Variants in GHRHR observed in about 807,000 individuals in gnomAD.
The protein encoded by GHRHR is growth hormone releasing hormone receptor.
GHRHR carries 40 observed loss-of-function variants against 58.3 expected under a neutral mutation model. That is an observed-to-expected ratio of 0.69 (90% CI 0.53 to 0.89). The LOEUF (loss-of-function observed/expected upper bound fraction) is 0.89. GHRHR is among the 40% of genes least tolerant of loss of function. The pLI, the probability that GHRHR is intolerant of heterozygous loss-of-function variation, is 0.00. For missense variants in GHRHR, 551 were observed against 541.3 expected, an observed-to-expected ratio of 1.02 and a Z score of -0.18; for synonymous variants, 249 against 216.6, an observed-to-expected ratio of 1.15 and a Z score of -1.31.
chr7:30,977,198 G>C, intron 11 of GHRHR, 83 bp from the exon 12 acceptor site: 1 of 1,303,050 alleles, frequency 7.7e-7, no homozygotes, highest in Non-Finnish European at 1.1e-6. Context: ...GGGATGAGTA[G>C]GGAAAAGGTA....
At position 30,964,272 on chromosome 7, in the gene GHRHR, G is replaced by A. The variant is rs1481891978; in HGVS notation, c.57+147G>A. On this transcript the variant is annotated intron_variant, in intron 1 of 12. Transcript: ENST00000326139. ...CGAGCAGGTGGCAGGCTGTGGCTTGGAGAGCCCCTGACACTGGGGCTCCCT... is the reference window on the plus strand; with the variant it reads ...CGAGCAGGTGGCAGGCTGTGGCTTGAAGAGCCCCTGACACTGGGGCTCCCT... 3 of 753,004 alleles carry A rather than the reference G, an allele frequency of 4.0e-6. No homozygotes were observed. The East Asian group carries it at 8.0e-5, about 20-fold the overall frequency. 46.6% of individuals were successfully genotyped at this position (753,004 alleles called of 1,614,324 possible). A position where few individuals can be genotyped will look rare whatever the true frequency, so the allele number is the denominator to read the frequency against.
rs1189579354 is a variant in GHRHR at position 30,975,858 on chromosome 7, T to C, written c.964T>C (p.Ser322Pro). Reference protein sequence around the residue: ...EPAQGSLHTQSQYWRLSKSTL... With the variant: ...EPAQGSLHTQPQYWRLSKSTL... ...AGCTCAGGGCAGCCTCCATACCCAGTCTCAGTATTGGTACTGTGTGTTTGT... is the reference window on the plus strand; with the variant it reads ...AGCTCAGGGCAGCCTCCATACCCAGCCTCAGTATTGGTACTGTGTGTTTGT... The change falls in exon 10 of 13, where the codon TCT becomes CCT. Residue 322 changes from serine to proline, a missense_variant. By Grantham distance (74) the Ser-to-Pro change is moderately conservative. Coordinates refer to ENST00000326139, the MANE Select transcript of GHRHR (RefSeq NM_000823.4). 1 of 1,580,336 alleles carries C rather than the reference T, an allele frequency of 6.3e-7. No homozygotes were observed. Among genetic ancestry groups the C allele is most frequent in the Non-Finnish European group, 8.7e-7 (1 of 1,149,234 alleles).
At chr7:30,966,346 A>G (rs913194968) in intron 1 of GHRHR, among the ~76,000 whole-genome samples, 3 of 143,598 alleles carry the variant, frequency 2.1e-5, no homozygotes, top group South Asian at 2.3e-4. Flanking sequence ...CTAGCTGTTA[A>G]TTAAACATTT....
intron 1 of GHRHR, among the ~76,000 whole-genome samples, chr7:30,967,743 C>T (rs779136497): frequency 6.6e-6 from 1 of 151,994 alleles, no homozygotes; most frequent in African/African-American, 2.4e-5. Flanking sequence ...CAGCCTTCAC[C>T]TCATTCATGT....
At chr7:30,974,195 G>A in intron 7 of GHRHR, 57 bp downstream of exon 7, 2 of 1,567,986 alleles carry the variant, frequency 1.3e-6, no homozygotes, top group Admixed American at 3.4e-5. Context: ...GAAAGGCCCA[G>A]GGAGTTTACA....
intron 6 of GHRHR, among the ~76,000 whole-genome samples, chr7:30,972,700 G>C (rs1792502640): frequency 6.6e-6 from 1 of 152,224 alleles, no homozygotes. Context: ...CACCATGGGA[G>C]AGATGGGGTG....
chr7:30,968,028 C>G (rs1393025654), intron 1 of GHRHR, among the ~76,000 whole-genome samples: 1 of 152,152 alleles, frequency 6.6e-6, no homozygotes, highest in Admixed American at 6.5e-5. Context: ...CTTTAAATCT[C>G]AGTTCCCACG....
At chr7:30,972,210 G>A (rs556882014) in intron 6 of GHRHR, 115 bp downstream of exon 6, 20 of 1,106,962 alleles carry the variant, frequency 1.8e-5, no homozygotes, top group Middle Eastern at 2.1e-4. Flanking sequence ...TGGGGCTCCC[G>A]CATGGCCAAT....
intron 1 of GHRHR, among the ~76,000 whole-genome samples, chr7:30,968,630 C>G (rs1054396969): frequency 2.2e-5 from 3 of 134,362 alleles, no homozygotes; most frequent in Non-Finnish European, 4.7e-5. Flanking sequence ...CCCTCCCTCC[C>G]TCCCTCCCTC....
chr7:30,969,783 G>T (rs1416704604), intron 3 of GHRHR, 84 bp from the exon 4 acceptor site: 2 of 1,325,628 alleles, frequency 1.5e-6, no homozygotes, highest in Non-Finnish European at 2.2e-6. Context: ...CCCTGCCAGG[G>T]TCACTTGATG....
In GHRHR at chr7:30,974,103, G is replaced by C; in HGVS notation, c.716G>C (p.Arg239Thr). The change falls in exon 7 of 13, where the codon AGG (arginine) becomes ACG (threonine). Residue 239 changes from arginine to threonine, a missense_variant. Transcript: ENST00000326139. Reference sequence around the variant, plus strand: ...CTGGCCTCCACCTCCCCCAGCTCAAGGAGAGCCTTCTGGTGGCTGGTTCTC... The same window carrying C: ...CTGGCCTCCACCTCCCCCAGCTCAACGAGAGCCTTCTGGTGGCTGGTTCTC... ...CLLASTSPSS[R>T]RAFWWLVLAG... 6.2e-7 allele frequency: 1 copy of C among 1,614,184 alleles called. No homozygotes were observed. Among genetic ancestry groups the C allele is most frequent in the Non-Finnish European group, 8.5e-7 (1 of 1,180,036 alleles).
At position 30,974,089 on chromosome 7, in the gene GHRHR, C is replaced by T. The variant is rs1369182640; in HGVS notation, c.702C>T (p.Thr234=). 1.9e-6 allele frequency: 3 copies of T among 1,614,184 alleles called. No individual in the cohort carries two copies. The highest frequency in any genetic ancestry group is 2.2e-5 in the South Asian group (2 of 91,078). Residue 234 remains threonine, a synonymous_variant, in exon 7 of 13, where the codon ACC becomes ACT. Coordinates refer to ENST00000326139, the MANE Select transcript of GHRHR (RefSeq NM_000823.4). The part of the protein sequence containing the change: ...AVYLNCLLAS[T]SPSSRRAFWW... ...ACCTGAACTGCCTCCTGGCCTCCAC[C>T]TCCCCCAGCTCAAGGAGAGCCTTCT...
At chr7:30,978,237 T>G (rs926463172) in intron 12 of GHRHR, among the ~76,000 whole-genome samples, 3 of 152,282 alleles carry the variant, frequency 2.0e-5, no homozygotes, top group Admixed American at 2.0e-4. Context: ...CTAAGTCCCA[T>G]GCAGCCTTAT....
chr7:30,976,750 A>C (rs1204278206), intron 11 of GHRHR, among the ~76,000 whole-genome samples, 192 bp downstream of exon 11: 1 of 151,962 alleles, frequency 6.6e-6, no homozygotes, highest in Non-Finnish European at 1.5e-5. Flanking sequence ...TCTTCCATCC[A>C]TCCATCCATC....
At chr7:30,971,502 T>C (rs1190646107) in intron 5 of GHRHR, among the ~76,000 whole-genome samples, 2 of 152,218 alleles carry the variant, frequency 1.3e-5, no homozygotes, top group Admixed American at 1.3e-4. Context: ...CCTATCTGCA[T>C]CTGACAGTCC....
intron 6 of GHRHR, among the ~76,000 whole-genome samples, chr7:30,973,082 GT>G (rs575009887): frequency 5.1e-4 from 77 of 152,146 alleles, no homozygotes; most frequent in Non-Finnish European, 9.7e-4. Flanking sequence ...ATATTTGTCT[GT>G]TACACGTGTT....
At chr7:30,978,019 C>T (rs1478366331) in intron 12 of GHRHR, among the ~76,000 whole-genome samples, 3 of 152,178 alleles carry the variant, frequency 2.0e-5, no homozygotes, top group Non-Finnish European at 4.4e-5. Context: ...TCTCAATGCC[C>T]CGGACTCCCA....
chr7:30,971,923 C>A, intron 5 of GHRHR, 40 bp from the exon 6 acceptor site: 1 of 1,609,288 alleles, frequency 6.2e-7, no homozygotes, highest in Non-Finnish European at 8.5e-7. Context: ...TCCCCTCTCC[C>A]TGCTTGCTTC....
At chr7:30,976,683 AT>A (rs1792591620) in intron 11 of GHRHR, 125 bp downstream of exon 11, 1 of 803,656 alleles carries the variant, frequency 1.2e-6, no homozygotes, top group Admixed American at 2.1e-5. Context: ...CTATTCAAAT[AT>A]CTGTCTGTCT....
Sources: gnomAD v4.1 joint callset for allele counts (sites outside exome capture counted in the v4.1 genomes callset) on GRCh38, gnomAD v4.1.1 for gene constraint, MANE v1.5 for transcripts, NCBI Gene and HGNC (gene_info 2026-07-23, HGNC 2026-07-21) for gene names.